Variants in B3GALT1 observed in about 807,000 individuals in gnomAD.
B3GALT1 encodes UDP-Gal:betaGlcNAc beta 1,3-galactosyltransferase, polypeptide 1.
A neutral mutation model predicts 23.2 loss-of-function variants in B3GALT1; 10 were observed. The observed-to-expected ratio is 0.43, with a 90% CI of 0.27 to 0.73. The LOEUF (loss-of-function observed/expected upper bound fraction) is 0.73, where lower values mean the gene tolerates loss of function less well. Ranked by LOEUF, B3GALT1 falls within the 30% of genes least tolerant of loss-of-function variation. The pLI, the probability that B3GALT1 is intolerant of heterozygous loss-of-function variation, is 0.21. For missense variants in B3GALT1, 299 were observed against 405.4 expected (o/e 0.74, Z 2.25); for synonymous variants, 156 against 141.5 (o/e 1.10, Z -0.73).
At chr2:167,671,850 G>C (rs543248755) in intron 3 of B3GALT1, among the ~76,000 whole-genome samples, 1 of 151,980 alleles carries the variant, frequency 6.6e-6, no homozygotes, top group Admixed American at 6.5e-5. Context: ...CTAAAAGTTG[G>C]TTTTTTGAAA....
intron 2 of B3GALT1, among the ~76,000 whole-genome samples, chr2:167,566,146 A>G (rs1558908700): frequency 6.6e-6 from 1 of 152,220 alleles, no homozygotes; most frequent in African/African-American, 2.4e-5. Flanking sequence ...TGTGGTACAT[A>G]TACACCATGG....
intron 3 of B3GALT1, among the ~76,000 whole-genome samples, chr2:167,814,319 A>AAATC (rs1328897477): frequency 6.6e-6 from 1 of 152,218 alleles, no homozygotes; most frequent in African/African-American, 2.4e-5. Context: ...GCAGTAAGAA[A>AAATC]AATCACTGAT....
At chr2:167,861,488 T>C (rs1690097936) in intron 4 of B3GALT1, among the ~76,000 whole-genome samples, 1 of 151,998 alleles carries the variant, frequency 6.6e-6, no homozygotes, top group Admixed American at 6.6e-5. Flanking sequence ...CAAAAAACAG[T>C]AGGGGTAGAA....
At chr2:167,551,913 TC>T (rs1392528776) in intron 2 of B3GALT1, among the ~76,000 whole-genome samples, 1 of 152,144 alleles carries the variant, frequency 6.6e-6, no homozygotes, top group African/African-American at 2.4e-5. Flanking sequence ...CAGAGCTGGG[TC>T]CTTACATTAT....
At chr2:167,469,355 G>A (rs1699392413) in intron 1 of B3GALT1, among the ~76,000 whole-genome samples, 1 of 152,152 alleles carries the variant, frequency 6.6e-6, no homozygotes, top group African/African-American at 2.4e-5. Context: ...ATAAATGAAT[G>A]CTTGTAAAAC....
chr2:167,389,076 A>C (rs1398722886), intron 1 of B3GALT1, among the ~76,000 whole-genome samples: 3 of 152,190 alleles, frequency 2.0e-5, no homozygotes, highest in Non-Finnish European at 4.4e-5. Flanking sequence ...GCTGGCAGGA[A>C]GAAGTCACAA....
chr2:167,344,572 T>C (rs1194990107), intron 1 of B3GALT1, among the ~76,000 whole-genome samples: 2 of 152,080 alleles, frequency 1.3e-5, no homozygotes, highest in Non-Finnish European at 2.9e-5. Flanking sequence ...AAAAGAGAGA[T>C]TGTGTTTTGT....
chr2:167,836,614 T>C, intron 4 of B3GALT1, among the ~76,000 whole-genome samples: 1 of 152,044 alleles, frequency 6.6e-6, no homozygotes, highest in East Asian at 1.9e-4. Flanking sequence ...CAGGATATTA[T>C]CCAGGAGAAC....
intron 3 of B3GALT1, among the ~76,000 whole-genome samples, chr2:167,792,474 A>G (rs1688453301): frequency 6.6e-6 from 1 of 152,226 alleles, no homozygotes; most frequent in African/African-American, 2.4e-5. Context: ...AGAGGGAGTA[A>G]TCCATTGACC....
rs533852284 is a variant in B3GALT1 at position 167,583,692 on chromosome 2, G to A, written c.-409-63217G>A. On this transcript the variant is annotated intron_variant, in intron 2 of 4. Coordinates refer to ENST00000392690, the MANE Select transcript of B3GALT1 (RefSeq NM_020981.4). ...TGATATTGATCATACATATATACTC[G>A]ATTTGTCAGATCTTAATCACTTTAC... 1.6e-4 allele frequency among the ~76,000 whole-genome samples: 24 copies of A among 152,130 alleles called. No homozygotes were observed. In the East Asian group the frequency reaches 4.0e-3, roughly 26 times the overall value.
At chr2:167,824,394 T>TAATA (rs972187051) in intron 4 of B3GALT1, among the ~76,000 whole-genome samples, 1 of 152,220 alleles carries the variant, frequency 6.6e-6, no homozygotes, top group African/African-American at 2.4e-5. Flanking sequence ...CTTGCAAAGT[T>TAATA]AATATAGGAG....
At chr2:167,637,075 T>G (rs1240547199) in intron 2 of B3GALT1, among the ~76,000 whole-genome samples, 1 of 152,016 alleles carries the variant, frequency 6.6e-6, no homozygotes. Context: ...GCCCATGCTA[T>G]TCCAGTTTGT....
rs1169908458 is a variant in B3GALT1, at chr2:167,508,349, C to CCCGGATTCACA, written c.-410+18075_-410+18085dup. Among the ~76,000 whole-genome samples the CCCGGATTCACA allele has an allele frequency of 3.3e-5, 5 of 151,146 alleles. No homozygotes were observed. In the East Asian group the frequency reaches 9.7e-4, roughly 29 times the overall value. On this transcript the variant is annotated intron_variant, in intron 2 of 4. Transcript: ENST00000392690. ...TCTCGGCTCACTGCAAGCTCTGCCT[C>CCCGGATTCACA]CCGGATTCACACCATTTTCCTGCCT...
Position 167,869,684 on chromosome 2 carries a change from T to G in B3GALT1, c.645T>G (p.Asp215Glu). The change falls in exon 5 of 5, where the codon GAT becomes GAG. Residue 215 changes from aspartate to glutamate, a missense_variant. By Grantham distance (45) the Asp-to-Glu change is conservative. Transcript: ENST00000392690. The surrounding 1 kb of genome is among the most constrained non-coding windows in gnomAD (Gnocchi z 6.4). The stretch of plus-strand genomic sequence containing the variant: ...TCATTAATGGAGGACCGATTCGGGA[T>G]GTCCGCAGTAAGTGGTATATGCCCA... The part of the protein sequence containing the change: ...GYVINGGPIR[D>E]VRSKWYMPRD... The G allele has an allele frequency of 6.2e-7, 1 of 1,614,150 alleles. No individual in the cohort carries two copies. Among genetic ancestry groups the G allele is most frequent in the Non-Finnish European group, 8.5e-7 (1 of 1,180,008 alleles).
At chr2:167,338,507 A>C (rs1697095942) in intron 1 of B3GALT1, among the ~76,000 whole-genome samples, 1 of 152,154 alleles carries the variant, frequency 6.6e-6, no homozygotes, top group Admixed American at 6.6e-5. Flanking sequence ...AAACACATGA[A>C]TACCCGAAAA....
At chr2:167,617,143 T>C (rs757909391) in intron 2 of B3GALT1, among the ~76,000 whole-genome samples, 14 of 152,116 alleles carry the variant, frequency 9.2e-5, no homozygotes, top group Non-Finnish European at 2.1e-4. Context: ...ATGTTGTTTT[T>C]TTCTCCTTTA....
intron 1 of B3GALT1, among the ~76,000 whole-genome samples, chr2:167,436,908 A>G (rs763070277): frequency 1.3e-5 from 2 of 152,148 alleles, no homozygotes; most frequent in Non-Finnish European, 2.9e-5. Context: ...TAGAATCTTG[A>G]CCATTTACAC....
At chr2:167,782,708 C>A (rs999416368) in intron 3 of B3GALT1, among the ~76,000 whole-genome samples, 9 of 152,104 alleles carry the variant, frequency 5.9e-5, no homozygotes, top group African/African-American at 2.2e-4. Context: ...ACAGGGTGTG[C>A]ATGTTAAGAT....
intron 2 of B3GALT1, among the ~76,000 whole-genome samples, chr2:167,560,214 A>T (rs960594239): frequency 3.3e-5 from 5 of 152,230 alleles, no homozygotes; most frequent in African/African-American, 9.6e-5. Flanking sequence ...TAAGCTTCAT[A>T]AGTGAAGGAG....
Sources: allele counts gnomAD v4.1 joint callset (sites outside exome capture counted in the v4.1 genomes callset), GRCh38; gene constraint gnomAD v4.1.1; non-coding constraint Gnocchi (gnomAD v3.1); transcripts MANE v1.5; gene names NCBI Gene and HGNC (gene_info 2026-07-23, HGNC 2026-07-21).